Variants in PSD3 observed in about 807,000 individuals in gnomAD.
PSD3 encodes pleckstrin and Sec7 domain containing 3, also known as PH and SEC7 domain-containing protein 3.
PSD3 carries 49 observed loss-of-function variants against 105.5 expected under a neutral mutation model. The ratio of observed to expected loss-of-function variants is 0.46; its 90% confidence interval spans 0.37 to 0.59. The LOEUF (loss-of-function observed/expected upper bound fraction) is 0.59. PSD3 is among the 20% of genes least tolerant of loss of function. The pLI, the probability that PSD3 is intolerant of heterozygous loss-of-function variation, is 0.00. For synonymous variants in PSD3, 557 were observed against 457.8 expected (o/e 1.22, Z -2.77); for missense variants, 1,561 against 1,263.8 (o/e 1.24, Z -3.57).
intron 2 of PSD3, among the ~76,000 whole-genome samples, chr8:18,886,748 T>C (rs893645061): frequency 6.6e-6 from 1 of 152,118 alleles, no homozygotes; most frequent in Non-Finnish European, 1.5e-5. Flanking sequence ...AGCAAATTAG[T>C]TTCAGATTTC....
intron 1 of PSD3, among the ~76,000 whole-genome samples, chr8:19,052,612 T>G (rs1828570051): frequency 6.6e-6 from 1 of 152,182 alleles, no homozygotes; most frequent in African/African-American, 2.4e-5. Context: ...AACTCAGATC[T>G]TGAGGAATGG....
chr8:18,770,673 T>C (rs1225958230), intron 8 of PSD3, among the ~76,000 whole-genome samples: 3 of 151,952 alleles, frequency 2.0e-5, no homozygotes, highest in Non-Finnish European at 4.4e-5. Context: ...TGGGGAGGGG[T>C]GCCAGTGACC....
At chr8:19,076,706 A>T (rs1829472495) in intron 1 of PSD3, among the ~76,000 whole-genome samples, 1 of 152,216 alleles carries the variant, frequency 6.6e-6, no homozygotes, top group Non-Finnish European at 1.5e-5. Flanking sequence ...TTAAAGGTCA[A>T]GCAAAATTTG....
At chr8:18,962,337 T>A (rs891037928) in intron 1 of PSD3, among the ~76,000 whole-genome samples, 2 of 152,226 alleles carry the variant, frequency 1.3e-5, no homozygotes, top group Admixed American at 6.5e-5. Context: ...AAATAATTGA[T>A]GAAATAAATT....
chr8:18,896,285 G>A (rs985597967), intron 2 of PSD3, among the ~76,000 whole-genome samples: 1 of 152,218 alleles, frequency 6.6e-6, no homozygotes. Context: ...ACATGGGAGT[G>A]CAGATAGATC....
intron 1 of PSD3, among the ~76,000 whole-genome samples, chr8:19,007,468 A>G (rs1023608769): frequency 5.9e-5 from 9 of 151,894 alleles, no homozygotes; most frequent in Admixed American, 2.0e-4. Context: ...GCTACTGACT[A>G]TCTTATTGGA....
chr8:18,684,306 T>C (rs1254699505), intron 9 of PSD3, among the ~76,000 whole-genome samples: 1 of 151,300 alleles, frequency 6.6e-6, no homozygotes. Context: ...AGCAATTCAT[T>C]AACATTCCAA....
chr8:18,757,395 C>T lies in PSD3; in HGVS notation c.2172+8054G>A, dbSNP rs185386855. Among the ~76,000 whole-genome samples the T allele has an allele frequency of 5.3e-5, 8 of 152,176 alleles. No homozygotes were observed. In the East Asian group the frequency reaches 1.4e-3, roughly 26 times the overall value. Reference sequence around the variant, plus strand: ...AGGAGAATCACTTGAACCCAGGAGGCGGAGGTTGCAGTGAGCAGAGATCAT... The same window carrying T: ...AGGAGAATCACTTGAACCCAGGAGGTGGAGGTTGCAGTGAGCAGAGATCAT... On this transcript the variant is annotated intron_variant, in intron 9 of 15. Transcript: ENST00000327040.
intron 1 of PSD3, among the ~76,000 whole-genome samples, chr8:19,077,278 C>G (rs1245602374): frequency 1.3e-5 from 2 of 152,092 alleles, no homozygotes; most frequent in African/African-American, 4.8e-5. Flanking sequence ...TGAATAATTC[C>G]CTGGAGCTTT....
chr8:18,648,599 T>C (rs1404904771), intron 10 of PSD3, among the ~76,000 whole-genome samples: 3 of 152,218 alleles, frequency 2.0e-5, no homozygotes, highest in South Asian at 2.1e-4. Flanking sequence ...AGCCTGGCCA[T>C]GTGAAAATTT....
chr8:18,650,889 G>C (rs1808421757), intron 10 of PSD3, among the ~76,000 whole-genome samples: 1 of 152,184 alleles, frequency 6.6e-6, no homozygotes, highest in Non-Finnish European at 1.5e-5. Flanking sequence ...GGTGGCTACA[G>C]AGATGCCAGG....
intron 9 of PSD3, among the ~76,000 whole-genome samples, chr8:18,667,797 G>A (rs1169532757): frequency 6.6e-6 from 1 of 152,334 alleles, no homozygotes; most frequent in Non-Finnish European, 1.5e-5. Context: ...GCTCAGGCAT[G>A]GCGGGCTGCA....
chr8:18,791,162 T>A (rs546524557), intron 8 of PSD3, among the ~76,000 whole-genome samples: 2 of 152,214 alleles, frequency 1.3e-5, no homozygotes, highest in Non-Finnish European at 1.5e-5. Context: ...CCAAAGCAAT[T>A]TATAGATTCA....
intron 2 of PSD3, among the ~76,000 whole-genome samples, chr8:18,917,435 G>A (rs1179025482): frequency 2.0e-5 from 3 of 152,096 alleles, no homozygotes; most frequent in Admixed American, 6.6e-5. Flanking sequence ...GAAGTCTTCC[G>A]TGGCAATTTC....
chr8:18,708,203 T>C (rs975168443), intron 9 of PSD3, among the ~76,000 whole-genome samples: 3 of 152,198 alleles, frequency 2.0e-5, no homozygotes, highest in Non-Finnish European at 2.9e-5. Context: ...TCTTTACACA[T>C]ATGGCAAAGA....
chr8:18,671,331 A>G (rs1040077340), intron 9 of PSD3, among the ~76,000 whole-genome samples: 23 of 152,178 alleles, frequency 1.5e-4, no homozygotes, highest in African/African-American at 5.3e-4. Flanking sequence ...ATAAATAATA[A>G]CATTTCTAGC....
intron 1 of PSD3, among the ~76,000 whole-genome samples, chr8:19,068,266 C>T (rs1433564042): frequency 2.0e-5 from 3 of 151,280 alleles, no homozygotes; most frequent in African/African-American, 4.9e-5. Context: ...GATGGCCTTT[C>T]TTCTCGCTCT....
At chr8:18,555,841 C>G (rs1161235947) in intron 15 of PSD3, among the ~76,000 whole-genome samples, 1 of 152,204 alleles carries the variant, frequency 6.6e-6, no homozygotes, top group Non-Finnish European at 1.5e-5. Context: ...GGCTCATTTC[C>G]TCCCTTGTGC....
intron 8 of PSD3, among the ~76,000 whole-genome samples, chr8:18,777,326 C>A (rs1274303296): frequency 1.3e-5 from 2 of 152,166 alleles, no homozygotes; most frequent in Non-Finnish European, 2.9e-5. Flanking sequence ...CAAGTGTGAG[C>A]CACTGTGCCT....
Sources: gnomAD v4.1 joint callset for allele counts (sites outside exome capture counted in the v4.1 genomes callset) on GRCh38, gnomAD v4.1.1 for gene constraint, MANE v1.5 for transcripts, NCBI Gene and HGNC (gene_info 2026-07-23, HGNC 2026-07-21) for gene names.